Variants in SLC25A51 observed in about 807,000 individuals in gnomAD.
The protein encoded by SLC25A51 is solute carrier family 25 member 51.
In SLC25A51, 11 loss-of-function variants were observed where a neutral mutation model predicts 19.1. The observed-to-expected ratio is 0.58, with a 90% CI of 0.36 to 0.96. The LOEUF is 0.96. Among genes scored for constraint, SLC25A51 ranks in the 40% least tolerant of loss-of-function variants. SLC25A51 has a pLI of 0.01. For synonymous variants in SLC25A51, 105 were observed against 133.6 expected, an observed-to-expected ratio of 0.79 and a Z score of 1.47; for missense variants, 201 against 365.4, an observed-to-expected ratio of 0.55 and a Z score of 3.67.
chr9:37,902,790 C>G (rs1214201647), intron 1 of SLC25A51, among the ~76,000 whole-genome samples: 2 of 152,210 alleles, frequency 1.3e-5, no homozygotes. Context: ...ACTAAGAAAA[C>G]AGTGTAAAGT....
chr9:37,881,298 T>C (rs1831345228), intron 3 of SLC25A51, among the ~76,000 whole-genome samples: 1 of 152,018 alleles, frequency 6.6e-6, no homozygotes, highest in South Asian at 2.1e-4. Flanking sequence ...AAAGTACTGA[T>C]AAGCTAAACC....
chr9:37,882,559 C>T lies in SLC25A51; in HGVS notation n.409-928G>A, dbSNP rs1262764551. ...CAACCAACCATGTTAAGATGAATATCGACTATTTAGACAAATACATCGATT... is the reference window on the plus strand; with the variant it reads ...CAACCAACCATGTTAAGATGAATATTGACTATTTAGACAAATACATCGATT... On this transcript the variant is annotated intron_variant and non_coding_transcript_variant, in intron 2 of 3. Transcript: ENST00000496760. Among the ~76,000 whole-genome samples, 6 of 152,264 alleles carry T rather than the reference C, an allele frequency of 3.9e-5. No individual in the cohort carries two copies. In the South Asian group the frequency reaches 1.2e-3, roughly 32 times the overall value.
rs750961221 is a variant in SLC25A51 at position 37,888,435 on chromosome 9, C to T, written c.116G>A (p.Cys39Tyr). The T allele has an allele frequency of 1.9e-6, 3 of 1,614,240 alleles. No homozygotes were observed. The highest frequency in any genetic ancestry group is 2.5e-6 in the Non-Finnish European group (3 of 1,180,046). Residue 39 changes from cysteine (C) to tyrosine (Y), a missense_variant, in exon 3 of 3, where the codon TGT becomes TAT. Transcript: ENST00000242275. ...GATTGCGACATTGTTGAAGGCTGCA[C>T]AGCAGCCACACAAGTAATGCTTCAT... ...GEMKHYLCGC[C>Y]AAFNNVAITF...
downstream of SLC25A51, among the ~76,000 whole-genome samples, chr9:37,885,154 GC>G (rs1211614634): frequency 2.0e-5 from 3 of 152,014 alleles, no homozygotes; most frequent in Non-Finnish European, 4.4e-5. Flanking sequence ...AACAAAGGAA[GC>G]CTGAGGAGCC....
At chr9:37,881,102 A>G (rs947077487) in intron 3 of SLC25A51, among the ~76,000 whole-genome samples, 8 of 152,150 alleles carry the variant, frequency 5.3e-5, no homozygotes, top group African/African-American at 1.7e-4. Flanking sequence ...GAAACAACCT[A>G]AAACTTAACA....
At chr9:37,885,169 G>A (rs1286199991), downstream of SLC25A51, among the ~76,000 whole-genome samples, 1 of 151,800 alleles carries the variant, frequency 6.6e-6, no homozygotes, top group Non-Finnish European at 1.5e-5. Context: ...AGGAGCCCCT[G>A]GCCCCTGAGG....
intron 2 of SLC25A51, among the ~76,000 whole-genome samples, chr9:37,889,757 TG>T (rs945235934): frequency 6.7e-6 from 1 of 148,690 alleles, no homozygotes; most frequent in Admixed American, 6.8e-5. Context: ...TGAAAATGAT[TG>T]GAACTAAGCC....
chr9:37,901,153 A>G (rs6476664), intron 1 of SLC25A51, among the ~76,000 whole-genome samples: 60,619 of 151,348 alleles, frequency 0.4, 12,998 homozygotes, highest in African/African-American at 0.56. Flanking sequence ...ATCAGCCACC[A>G]TGCTCACCTA....
downstream of SLC25A51, among the ~76,000 whole-genome samples, chr9:37,882,866 CAG>C (rs763291188): frequency 4.5e-4 from 69 of 151,880 alleles, 1 homozygote; most frequent in Non-Finnish European, 7.4e-4. Flanking sequence ...TTTTTTGAGA[CAG>C]AGTTTCACTC....
intron 2 of SLC25A51, among the ~76,000 whole-genome samples, chr9:37,894,653 A>G (rs1359165018): frequency 6.6e-6 from 1 of 152,076 alleles, no homozygotes; most frequent in Non-Finnish European, 1.5e-5. Context: ...GTTCTGAGGT[A>G]CGTGTGCAGG....
At chr9:37,897,041 CTTAATT>C (rs1564070764) in intron 2 of SLC25A51, among the ~76,000 whole-genome samples, 2 of 152,168 alleles carry the variant, frequency 1.3e-5, no homozygotes, top group South Asian at 4.1e-4. Flanking sequence ...ACAAGTCTAT[CTTAATT>C]TTAAATACTG....
downstream of SLC25A51, chr9:37,879,222 A>G (rs866753502): frequency 4.1e-4 from 110 of 270,462 alleles, no homozygotes; most frequent in Middle Eastern, 0.018. Flanking sequence ...TGGCAGGCAG[A>G]AGCAATGGTT....
intron 1 of SLC25A51, among the ~76,000 whole-genome samples, chr9:37,902,190 A>G (rs1212103900): frequency 6.6e-6 from 1 of 152,148 alleles, no homozygotes; most frequent in Non-Finnish European, 1.5e-5. Context: ...AACAATAAAA[A>G]TTTTGTCCAT....
chr9:37,879,819 A>AC (rs1831316758), exon 4 of SLC25A51: 1 of 152,538 alleles, frequency 6.6e-6, no homozygotes, highest in Non-Finnish European at 1.5e-5. Context: ...GGGCACCTGC[A>AC]TGGGCAGAGG....
exon 4 of SLC25A51, chr9:37,879,502 A>G (rs1008420666): frequency 1.9e-5 from 3 of 160,416 alleles, no homozygotes; most frequent in East Asian, 1.8e-4. Flanking sequence ...AGAAAACATC[A>G]TTGCATTTTT....
chr9:37,883,494 C>A (rs544711434), downstream of SLC25A51, among the ~76,000 whole-genome samples: 4 of 152,340 alleles, frequency 2.6e-5, no homozygotes, highest in African/African-American at 9.6e-5. Context: ...TTGTATTTCA[C>A]AAAAGTGCTT....
At chr9:37,901,379 G>A (rs2118382422) in intron 1 of SLC25A51, among the ~76,000 whole-genome samples, 1 of 152,240 alleles carries the variant, frequency 6.6e-6, no homozygotes, top group South Asian at 2.1e-4. Flanking sequence ...TGTTAGCCAG[G>A]CTGGTCTCAA....
At chr9:37,886,282 C>A, downstream of SLC25A51, 2 of 1,613,732 alleles carry the variant, frequency 1.2e-6, no homozygotes, top group Non-Finnish European at 1.7e-6. Flanking sequence ...ATGAGCTATA[C>A]CAGCGGGCCA....
intron 2 of SLC25A51, among the ~76,000 whole-genome samples, chr9:37,894,212 C>T (rs1831660424): frequency 6.6e-6 from 1 of 151,980 alleles, no homozygotes; most frequent in Non-Finnish European, 1.5e-5. Flanking sequence ...GACAATTCAG[C>T]TTGCCAAGTG....
Sources: gnomAD v4.1 joint callset for allele counts (sites outside exome capture counted in the v4.1 genomes callset) on GRCh38, gnomAD v4.1.1 for gene constraint, MANE v1.5 for transcripts, NCBI Gene and HGNC (gene_info 2026-07-23, HGNC 2026-07-21) for gene names.